The following ACSF2 variants were observed in gnomAD, a reference collection of about 807,000 sequenced individuals.
ACSF2 encodes acyl-CoA synthetase family member 2.
ACSF2 carries 52 observed loss-of-function variants against 79.3 expected under a neutral mutation model. The ratio of observed to expected loss-of-function variants is 0.66; its 90% CI spans 0.53 to 0.83. The LOEUF (loss-of-function observed/expected upper bound fraction) is 0.83, where lower values mean the gene tolerates loss of function less well. ACSF2 is among the 40% of genes least tolerant of loss of function. The pLI is 0.00. For synonymous variants in ACSF2, 283 were observed against 312.6 expected, an observed-to-expected ratio of 0.91 and a Z score of 1.00; for missense variants, 661 against 803.3, an observed-to-expected ratio of 0.82 and a Z score of 2.14.
At chr17:50,461,161 G>A (rs537470661) in intron 2 of ACSF2, 81 bp from the exon 3 acceptor site, 136 of 1,593,378 alleles carry the variant, frequency 8.5e-5, no homozygotes, top group Middle Eastern at 6.7e-4. Context: ...TGAGAACTCC[G>A]GGCTAAGGGC....
intron 1 of ACSF2, among the ~76,000 whole-genome samples, chr17:50,440,034 T>C (rs1397837456): frequency 6.6e-6 from 1 of 152,218 alleles, no homozygotes; most frequent in Admixed American, 6.5e-5. Flanking sequence ...CTTTGTCTCA[T>C]ATATAAAATG....
At chr17:50,444,802 A>C (rs1374163011) in intron 1 of ACSF2, among the ~76,000 whole-genome samples, 1 of 152,138 alleles carries the variant, frequency 6.6e-6, no homozygotes, top group Non-Finnish European at 1.5e-5. Flanking sequence ...TCCTATGCTT[A>C]CTGGCCATTT....
intron 1 of ACSF2, among the ~76,000 whole-genome samples, chr17:50,440,483 AT>A (rs1170458726): frequency 6.6e-6 from 1 of 152,166 alleles, no homozygotes; most frequent in Non-Finnish European, 1.5e-5. Context: ...TTCTCCTCTT[AT>A]GTTCTCCATG....
intron 1 of ACSF2, among the ~76,000 whole-genome samples, chr17:50,429,661 C>T (rs993193122): frequency 5.3e-5 from 8 of 151,862 alleles, no homozygotes; most frequent in African/African-American, 9.7e-5. Context: ...CTGGGATTAC[C>T]GGTGTGCGCC....
intron 10 of ACSF2, chr17:50,467,865 T>G: frequency 3.1e-5 from 18 of 580,024 alleles, no homozygotes; most frequent in South Asian, 5.5e-5. Context: ...CAGACAGGGA[T>G]TAGGGTAGGG....
chr17:50,454,840 G>T (rs1471764143), intron 1 of ACSF2, among the ~76,000 whole-genome samples: 1 of 152,058 alleles, frequency 6.6e-6, no homozygotes, highest in African/African-American at 2.4e-5. Flanking sequence ...TATGCCAATT[G>T]AACTGGATTT....
intron 10 of ACSF2, chr17:50,470,789 G>T: frequency 2.3e-6 from 1 of 433,342 alleles, no homozygotes. Context: ...GGAAGAGAAT[G>T]GTGTCCCTGC....
At chr17:50,450,043 A>G (rs1004821704) in intron 1 of ACSF2, 3 of 152,286 alleles carry the variant, frequency 2.0e-5, no homozygotes, top group African/African-American at 7.2e-5. Flanking sequence ...GCCTTTTCTA[A>G]GTGGAGGCCT....
intron 4 of ACSF2, among the ~76,000 whole-genome samples, chr17:50,461,970 A>C (rs558555313): frequency 3.4e-5 from 5 of 146,418 alleles, no homozygotes; most frequent in African/African-American, 1.3e-4. Flanking sequence ...CCATCCTCAT[A>C]TGTGATGCAT....
rs780749301 is a variant in ACSF2 at position 50,426,255 on chromosome 17, G to A, written c.-7G>A. 7.4e-7 allele frequency: 1 copy of A among 1,355,934 alleles called. No individual in the cohort carries two copies. The highest frequency in any genetic ancestry group is 9.6e-7 in the Non-Finnish European group (1 of 1,046,566). The allele number at this position is 1,355,934 out of a possible 1,614,324, so 84.0% of individuals were successfully genotyped here. ...TACTCGGGCCGGGACGCAGGGCAAA[G>A]CGAGCCATGGCTGTCTACGTCGGGA... On this transcript the variant is annotated 5_prime_UTR_variant, in exon 1 of 16. Transcript: ENST00000300441.
Position 50,436,422 on chromosome 17 carries a change from C to A in ACSF2, c.128+10033C>A, listed in dbSNP as rs1484493622. Among the ~76,000 whole-genome samples, 4 of 150,546 alleles carry A rather than the reference C, an allele frequency of 2.7e-5. No individual in the cohort carries two copies. The East Asian group carries it at 7.9e-4, about 30-fold the overall frequency. On this transcript the variant is annotated intron_variant, in intron 1 of 15. Coordinates refer to ENST00000300441, the MANE Select transcript of ACSF2 (RefSeq NM_025149.6). ...GGGATTACAGGCGTGAGCCACCACG[C>A]CCGGCCTGTTGTTGTTATTATTTTC... is the stretch of plus-strand genomic sequence containing the variant.
Position 50,471,038 on chromosome 17 carries a change from G to A in ACSF2, c.1226G>A (p.Gly409Glu), listed in dbSNP as rs780359358. The change falls in exon 11 of 16, where the codon GGA becomes GAA. Residue 409 changes from glycine (G) to glutamate (E), a missense_variant. Gly to Glu is a moderately conservative substitution (Grantham distance 98). Coordinates refer to ENST00000300441, the MANE Select transcript of ACSF2 (RefSeq NM_025149.6). The surrounding 1 kb of genome is among the most constrained non-coding windows in gnomAD (Gnocchi z 4.1). The stretch of plus-strand genomic sequence containing the variant: ...TTCTGGACCCTCTAGGTTGCTTATG[G>A]AACCACAGAGAACAGTCCCGTGACA... The part of the protein sequence containing the change: ...INMKDLVVAY[G>E]TTENSPVTFA... The A allele has an allele frequency of 6.2e-7, 1 of 1,614,008 alleles. No homozygotes were observed. Among genetic ancestry groups the A allele is most frequent in the South Asian group, 1.1e-5 (1 of 91,064 alleles).
intron 1 of ACSF2, among the ~76,000 whole-genome samples, chr17:50,457,970 G>A (rs2032111070): frequency 6.6e-6 from 1 of 152,178 alleles, no homozygotes; most frequent in Admixed American, 6.5e-5. Context: ...CTCCCCAGAA[G>A]CTCTGCAATG....
At chr17:50,433,562 T>G (rs1232593653) in intron 1 of ACSF2, among the ~76,000 whole-genome samples, 1 of 152,160 alleles carries the variant, frequency 6.6e-6, no homozygotes, top group Non-Finnish European at 1.5e-5. Flanking sequence ...CCCTGATTCC[T>G]AGGCACTCTT....
At chr17:50,467,870 G>T in intron 10 of ACSF2, 1 of 623,800 alleles carries the variant, frequency 1.6e-6, no homozygotes, top group South Asian at 2.3e-5. Flanking sequence ...AGGGATTAGG[G>T]TAGGGATGTG....
At chr17:50,462,696 A>T in intron 6 of ACSF2, 111 bp downstream of exon 6, 1 of 1,294,666 alleles carries the variant, frequency 7.7e-7, no homozygotes, top group Non-Finnish European at 1.1e-6. Flanking sequence ...TTCTTTACTG[A>T]GACTGGCCTT....
intron 1 of ACSF2, among the ~76,000 whole-genome samples, chr17:50,428,522 T>C (rs931480610): frequency 8.6e-5 from 13 of 151,242 alleles, no homozygotes; most frequent in Non-Finnish European, 1.9e-4. Context: ...TGGTGGCTTA[T>C]GCCTGTAATC....
In ACSF2 at chr17:50,456,522, C is replaced by T. The variant is rs554914157; in HGVS notation, c.129-4155C>T. On this transcript the variant is annotated intron_variant, in intron 1 of 15. Coordinates refer to ENST00000300441, the MANE Select transcript of ACSF2 (RefSeq NM_025149.6). Reference sequence around the variant, plus strand: ...CCGAGGCGGGCGGATCACCTGAGGTCGGGAGTTTGAGACCAGCCTGACCAA... The same window carrying T: ...CCGAGGCGGGCGGATCACCTGAGGTTGGGAGTTTGAGACCAGCCTGACCAA... 8.6e-5 allele frequency among the ~76,000 whole-genome samples: 13 copies of T among 151,744 alleles called. No individual in the cohort carries two copies. In the South Asian group the frequency reaches 1.0e-3, roughly 12 times the overall value.
At chr17:50,467,843 C>T (rs1746745580) in intron 10 of ACSF2, 1 of 563,752 alleles carries the variant, frequency 1.8e-6, no homozygotes, top group East Asian at 3.0e-5. Flanking sequence ...GGGCAGTGGT[C>T]GAGACTGGCA....
Sources: gnomAD v4.1 joint callset for allele counts (sites outside exome capture counted in the v4.1 genomes callset) on GRCh38, gnomAD v4.1.1 for gene constraint, Gnocchi (gnomAD v3.1) non-coding constraint, MANE v1.5 for transcripts, NCBI Gene and HGNC (gene_info 2026-07-23, HGNC 2026-07-21) for gene names.